The following LYAR variants were observed in gnomAD, a reference collection of about 807,000 sequenced individuals.
LYAR encodes Ly1 antibody reactive.
LYAR carries 37 observed loss-of-function variants against 45.2 expected under a neutral mutation model. That is an observed-to-expected ratio of 0.82 (90% CI 0.63 to 1.08). LYAR has a LOEUF of 1.08. LYAR is among the 50% of genes least tolerant of loss of function. The pLI is 0.00. For synonymous variants in LYAR, 176 were observed against 155.1 expected (o/e 1.14, Z -1.00); for missense variants, 493 against 451.0 (o/e 1.09, Z -0.84).
intron 9 of LYAR, 89 bp from the exon 10 acceptor site, chr4:4,268,112 G>GA: frequency 1.6e-6 from 2 of 1,249,872 alleles, no homozygotes; most frequent in Admixed American, 3.3e-5. Flanking sequence ...AGAACAACAG[G>GA]AAAAAATAAA....
Position 4,274,438 on chromosome 4 carries a change from T to TGCTTCTTCTTCTTGCTCC in LYAR, c.743_760dup (p.Arg248_Lys253dup), listed in dbSNP as rs1332087186. The TGCTTCTTCTTCTTGCTCC allele has an allele frequency of 5.6e-6, 9 of 1,614,070 alleles. No individual in the cohort carries two copies. The highest frequency in any genetic ancestry group is 7.6e-6 in the Non-Finnish European group (9 of 1,179,970). The stretch of plus-strand genomic sequence containing the variant: ...TTCCTCACTGGCGCTGTCCTTGCGC[T>TGCTTCTTCTTCTTGCTCC]GCTTCTTCTTCTTGCTCCTCTTCCC... On this transcript the variant is annotated inframe_insertion, in exon 7 of 10. Transcript: ENST00000343470.
chr4:4,271,212 T>A (rs1196305206), intron 8 of LYAR, among the ~76,000 whole-genome samples: 1 of 152,180 alleles, frequency 6.6e-6, no homozygotes, highest in East Asian at 1.9e-4. Flanking sequence ...TCTATCTCCA[T>A]GAGTTGGCAA....
chr4:4,277,288 C>G (rs1719220002), intron 6 of LYAR, among the ~76,000 whole-genome samples: 1 of 152,124 alleles, frequency 6.6e-6, no homozygotes. Flanking sequence ...CTCAACTGAT[C>G]TGCCTGCCTC....
At position 4,287,356 on chromosome 4, in the gene LYAR, C is replaced by G. The variant is rs180865345; in HGVS notation, c.-107-784G>C. On this transcript the variant is annotated intron_variant, in intron 1 of 9. Coordinates refer to ENST00000343470, the MANE Select transcript of LYAR (RefSeq NM_017816.3). Reference sequence around the variant, plus strand: ...GACATTTCCTGAATGCTGACACTATCCTATCCACCCAGATACACCTGGGGC... The same window carrying G: ...GACATTTCCTGAATGCTGACACTATGCTATCCACCCAGATACACCTGGGGC... Among the ~76,000 whole-genome samples the G allele has an allele frequency of 8.5e-4, 129 of 152,348 alleles. 1 individual carries two copies. Among genetic ancestry groups the G allele is most frequent in the Admixed American group, 2.7e-3 (42 of 15,302 alleles).
At position 4,267,959 on chromosome 4, in the gene LYAR, A is replaced by C. The variant is rs550449087; in HGVS notation, c.1070T>G (p.Ile357Ser). The part of the protein sequence containing the change: ...HHRSEEELLV[I>S]FNKKISKNPT... ...GTTCTTGCTGATTTTCTTGTTAAAG[A>C]TGACCAGGAGTTCCTCTTCGGATCT... is the stretch of plus-strand genomic sequence containing the variant. The change falls in exon 10 of 10, where the codon ATC becomes AGC. Residue 357 changes from isoleucine to serine, a missense_variant. By Grantham distance (142) the Ile-to-Ser change is moderately radical. Coordinates refer to ENST00000343470, the MANE Select transcript of LYAR (RefSeq NM_017816.3). The C allele has an allele frequency of 2.5e-6, 4 of 1,613,236 alleles. No homozygotes were observed. The South Asian group carries it at 4.4e-5, about 18-fold the overall frequency.
At chr4:4,286,146 G>C (rs1013299644) in intron 2 of LYAR, among the ~76,000 whole-genome samples, 3 of 152,190 alleles carry the variant, frequency 2.0e-5, no homozygotes, top group Non-Finnish European at 4.4e-5. Context: ...CATGAAATGG[G>C]AACAGCTCTG....
At chr4:4,283,143 C>T (rs1397110086) in intron 3 of LYAR, among the ~76,000 whole-genome samples, 1 of 152,150 alleles carries the variant, frequency 6.6e-6, no homozygotes, top group African/African-American at 2.4e-5. Context: ...CAAATTGTTT[C>T]GTAAAGCACA....
Position 4,283,736 on chromosome 4 carries a change from A to G in LYAR, c.7T>C (p.Phe3Leu), listed in dbSNP as rs879286766. Reference protein sequence around the residue: MVFFTCNACGESV... With the variant: MVLFTCNACGESV... ...TCACCACATGCATTGCATGTAAAAA[A>G]TACCATTTTTAGGTAAATGGCTAAA... Residue 3 changes from phenylalanine to leucine, a missense_variant, in exon 3 of 10, where the codon TTT becomes CTT. Phe to Leu is a conservative substitution (Grantham distance 22, BLOSUM62 0). Coordinates refer to ENST00000343470, the MANE Select transcript of LYAR (RefSeq NM_017816.3). 2.5e-6 allele frequency: 4 copies of G among 1,610,280 alleles called. No individual in the cohort carries two copies. The highest frequency in any genetic ancestry group is 3.4e-6 in the Non-Finnish European group (4 of 1,179,006).
chr4:4,272,921 T>C (rs1577211239), intron 8 of LYAR, among the ~76,000 whole-genome samples: 1 of 151,606 alleles, frequency 6.6e-6, no homozygotes, highest in Non-Finnish European at 1.5e-5. Context: ...TCCCGACAGG[T>C]ATGAGTGCTT....
intron 8 of LYAR, among the ~76,000 whole-genome samples, chr4:4,272,956 G>A (rs555737714): frequency 6.6e-6 from 1 of 152,172 alleles, no homozygotes; most frequent in Non-Finnish European, 1.5e-5. Context: ...CAGGAGAGAA[G>A]CTTTGTGTAA....
rs370871370 is a variant in LYAR at position 4,268,630 on chromosome 4, A to G, written c.920-15T>C. 2.4e-4 allele frequency: 354 copies of G among 1,497,704 alleles called. 1 individual carries two copies. The highest frequency in any genetic ancestry group is 3.0e-4 in the Non-Finnish European group (322 of 1,083,248). 92.8% of individuals were successfully genotyped at this position (1,497,704 alleles called of 1,614,324 possible). A position where few individuals can be genotyped will look rare whatever the true frequency, so the allele number is the denominator to read the frequency against. On this transcript the variant is annotated splice_polypyrimidine_tract_variant and intron_variant, in intron 8 of 9. Coordinates refer to ENST00000343470, the MANE Select transcript of LYAR (RefSeq NM_017816.3). Reference sequence around the variant, plus strand: ...GTTGAATTTACCTACAATATAAATAATAATATTTAAGACATTTCGTTTTGT... The same window carrying G: ...GTTGAATTTACCTACAATATAAATAGTAATATTTAAGACATTTCGTTTTGT...
At chr4:4,268,267 A>G (rs1718792603) in intron 9 of LYAR, among the ~76,000 whole-genome samples, 1 of 150,340 alleles carries the variant, frequency 6.7e-6, no homozygotes. Context: ...GATAGGCAAA[A>G]GAGAGCAAAT....
At chr4:4,270,575 C>T (rs1043974041) in intron 8 of LYAR, among the ~76,000 whole-genome samples, 30 of 147,422 alleles carry the variant, frequency 2.0e-4, no homozygotes, top group African/African-American at 6.7e-4. Flanking sequence ...CCAAAAAAAC[C>T]CCAAACAACT....
chr4:4,279,380 A>G, intron 6 of LYAR, 67 bp downstream of exon 6: 1 of 1,093,744 alleles, frequency 9.1e-7, no homozygotes, highest in Non-Finnish European at 1.4e-6. Context: ...CAAAAATAAG[A>G]AATTCCCATT....
intron 8 of LYAR, among the ~76,000 whole-genome samples, chr4:4,273,015 G>A (rs1719003998): frequency 6.6e-6 from 1 of 152,192 alleles, no homozygotes. Flanking sequence ...GGATTCTGAG[G>A]TTGAGGATAC....
chr4:4,275,465 G>T, intron 6 of LYAR, among the ~76,000 whole-genome samples: 1 of 151,306 alleles, frequency 6.6e-6, no homozygotes. Flanking sequence ...TGGGGACAGG[G>T]GTCTTGCTTT....
chr4:4,273,517 T>G (rs1280602147), intron 8 of LYAR, 66 bp downstream of exon 8: 3 of 1,160,628 alleles, frequency 2.6e-6, no homozygotes, highest in Non-Finnish European at 3.8e-6. Context: ...GCCTCTGAAG[T>G]AGCTGGGACT....
At position 4,282,564 on chromosome 4, in the gene LYAR, AGAGT is replaced by A. The variant is rs369787651; in HGVS notation, c.123-671_123-668del. On this transcript the variant is annotated intron_variant, in intron 3 of 9. Coordinates refer to ENST00000343470, the MANE Select transcript of LYAR (RefSeq NM_017816.3). ...TCACTGCTCCAGAATGAATTAAAAG[AGAGT>A]ATTAGCCAGTACCATCCGAATGCCT... Among the ~76,000 whole-genome samples the A allele has an allele frequency of 2.4e-4, 36 of 152,318 alleles. No individual in the cohort carries two copies. In the East Asian group the frequency reaches 4.2e-3, roughly 18 times the overall value.
Position 4,274,555 on chromosome 4 carries a change from G to A in LYAR, c.644C>T (p.Ser215Leu). Residue 215 changes from serine to leucine, a missense_variant, in exon 7 of 10, where the codon TCA (serine) becomes TTA (leucine). Coordinates refer to ENST00000343470, the MANE Select transcript of LYAR (RefSeq NM_017816.3). ...ELKLENHQEN[S>L]RNQKPKKRKK... ...GCGCTTCTTAGGCTTCTGATTCCTT[G>A]AGTTTTCCTGGTGGTTTTCTAACTT... is the stretch of plus-strand genomic sequence containing the variant. 6.2e-7 allele frequency: 1 copy of A among 1,613,914 alleles called. No homozygotes were observed.
Sources: allele counts gnomAD v4.1 joint callset (sites outside exome capture counted in the v4.1 genomes callset), GRCh38; gene constraint gnomAD v4.1.1; transcripts MANE v1.5; gene names NCBI Gene and HGNC (gene_info 2026-07-23, HGNC 2026-07-21).